Variants in KCNQ5 observed in about 807,000 individuals in gnomAD.
KCNQ5 encodes the protein potassium voltage-gated channel subfamily KQT member 5.
In KCNQ5, 30 loss-of-function variants were observed where a neutral mutation model predicts 98.2. The ratio of observed to expected loss-of-function variants is 0.31; its 90% CI spans 0.23 to 0.41. KCNQ5 has a LOEUF of 0.41. Among genes scored for constraint, KCNQ5 ranks in the 10% least tolerant of loss-of-function variants. KCNQ5 has a pLI of 1.00. For missense variants in KCNQ5, 835 were observed against 1,182.5 expected, an observed-to-expected ratio of 0.71 and a Z score of 4.31; for synonymous variants, 458 against 449.4, an observed-to-expected ratio of 1.02 and a Z score of -0.24.
chr6:73,077,550 A>T (rs1395199591), intron 4 of KCNQ5, 53 bp downstream of exon 4: 2 of 1,528,970 alleles, frequency 1.3e-6, no homozygotes. Flanking sequence ...TTTTTCATTG[A>T]TCGCTGTAAT....
intron 1 of KCNQ5, among the ~76,000 whole-genome samples, chr6:72,687,464 G>A (rs1768012341): frequency 6.6e-6 from 1 of 152,194 alleles, no homozygotes; most frequent in Non-Finnish European, 1.5e-5. Context: ...CTGCCTTCAA[G>A]GAGCACATGG....
At chr6:73,144,075 T>G (rs1582438434) in intron 10 of KCNQ5, among the ~76,000 whole-genome samples, 1 of 152,254 alleles carries the variant, frequency 6.6e-6, no homozygotes, top group South Asian at 2.1e-4. Context: ...ATTTAATCGC[T>G]TTCATGGTGT....
At chr6:73,110,017 T>C (rs954336540) in intron 6 of KCNQ5, among the ~76,000 whole-genome samples, 1 of 152,292 alleles carries the variant, frequency 6.6e-6, no homozygotes, top group East Asian at 1.9e-4. Flanking sequence ...GCCAAGTTGT[T>C]ATTCAGTTGA....
intron 1 of KCNQ5, among the ~76,000 whole-genome samples, chr6:72,663,216 C>T (rs1294606655): frequency 6.6e-6 from 1 of 152,064 alleles, no homozygotes; most frequent in Non-Finnish European, 1.5e-5. Flanking sequence ...CACCATGGCA[C>T]GTGTATACCT....
chr6:73,123,667 A>G (rs1775834551), intron 8 of KCNQ5, among the ~76,000 whole-genome samples: 2 of 152,198 alleles, frequency 1.3e-5, no homozygotes, highest in Admixed American at 6.5e-5. Context: ...CCTCAAAGAG[A>G]GTGAAGCTGC....
At chr6:72,895,114 T>TAAAAAA (rs71540357) in intron 1 of KCNQ5, among the ~76,000 whole-genome samples, 10 of 89,250 alleles carry the variant, frequency 1.1e-4, no homozygotes, top group African/African-American at 3.6e-4. Context: ...CCATCTCTAC[T>TAAAAAA]AAAAAAAAAA....
chr6:72,791,877 C>G (rs1774068454), intron 1 of KCNQ5, among the ~76,000 whole-genome samples: 1 of 152,100 alleles, frequency 6.6e-6, no homozygotes, highest in Non-Finnish European at 1.5e-5. Context: ...CAGCATTAAT[C>G]CATGTGAGGG....
At chr6:73,129,598 C>A (rs1484285456) in intron 9 of KCNQ5, among the ~76,000 whole-genome samples, 2 of 152,178 alleles carry the variant, frequency 1.3e-5, no homozygotes, top group Non-Finnish European at 2.9e-5. Flanking sequence ...AATTTTTCAA[C>A]CTAGCCGTTA....
intron 1 of KCNQ5, among the ~76,000 whole-genome samples, chr6:72,873,191 T>C (rs1486528963): frequency 6.6e-6 from 1 of 152,112 alleles, no homozygotes; most frequent in Non-Finnish European, 1.5e-5. Context: ...TCACCTCTTC[T>C]CTCTGTTATT....
intron 1 of KCNQ5, among the ~76,000 whole-genome samples, chr6:72,641,106 A>G (rs1020352339): frequency 3.3e-5 from 5 of 152,152 alleles, no homozygotes; most frequent in South Asian, 2.1e-4. Flanking sequence ...GTTAAACCAT[A>G]TATTGACTTG....
chr6:72,655,685 T>C (rs1766154163), intron 1 of KCNQ5, among the ~76,000 whole-genome samples: 1 of 152,248 alleles, frequency 6.6e-6, no homozygotes, highest in Non-Finnish European at 1.5e-5. Flanking sequence ...GAGAGGAATA[T>C]GTCGGGACAT....
chr6:72,697,381 G>A (rs1768555086), intron 1 of KCNQ5, among the ~76,000 whole-genome samples: 1 of 152,148 alleles, frequency 6.6e-6, no homozygotes. Context: ...ATAACTCATG[G>A]TGGGTCACAA....
intron 2 of KCNQ5, among the ~76,000 whole-genome samples, chr6:73,027,657 T>A (rs1770949310): frequency 6.6e-6 from 1 of 152,218 alleles, no homozygotes; most frequent in Non-Finnish European, 1.5e-5. Context: ...AAGTGTTTCC[T>A]CTTAACTATG....
intron 1 of KCNQ5, among the ~76,000 whole-genome samples, chr6:72,951,928 A>G (rs1354469621): frequency 6.6e-6 from 1 of 152,224 alleles, no homozygotes; most frequent in South Asian, 2.1e-4. Context: ...TGGAATAGTC[A>G]TCAACATTTC....
chr6:72,741,536 G>T (rs577773483), intron 1 of KCNQ5, among the ~76,000 whole-genome samples: 1 of 152,090 alleles, frequency 6.6e-6, no homozygotes, highest in Non-Finnish European at 1.5e-5. Context: ...AGTTGGAGGA[G>T]GTGAAAAGAA....
At chr6:72,975,638 T>C (rs1032218160) in intron 1 of KCNQ5, among the ~76,000 whole-genome samples, 4 of 152,208 alleles carry the variant, frequency 2.6e-5, no homozygotes, top group Non-Finnish European at 4.4e-5. Context: ...TGGGTTTATT[T>C]TTTCCTGATG....
chr6:72,642,415 C>A (rs1582031188), intron 1 of KCNQ5, among the ~76,000 whole-genome samples: 1 of 151,796 alleles, frequency 6.6e-6, no homozygotes, highest in East Asian at 1.9e-4. Flanking sequence ...TGGTTTGCTG[C>A]ACAGATCAAC....
chr6:73,086,025 TA>T (rs1461995264), intron 5 of KCNQ5, among the ~76,000 whole-genome samples: 6 of 152,194 alleles, frequency 3.9e-5, no homozygotes, highest in Non-Finnish European at 7.4e-5. Flanking sequence ...AGATTAAGAA[TA>T]AAATTGACCT....
In KCNQ5 at chr6:72,832,244, A is replaced by G. The variant is rs943208184; in HGVS notation, c.399-171664A>G. On this transcript the variant is annotated intron_variant, in intron 1 of 13. Coordinates refer to ENST00000370398, the MANE Select transcript of KCNQ5 (RefSeq NM_019842.4). ...GAAATGATGAGATGTGGCAATGGATAAGATGTTTGGAAGAATGAGAGGAAA... is the reference window on the plus strand; with the variant it reads ...GAAATGATGAGATGTGGCAATGGATGAGATGTTTGGAAGAATGAGAGGAAA... Among the ~76,000 whole-genome samples, 6 of 152,118 alleles carry G rather than the reference A, an allele frequency of 3.9e-5. No individual in the cohort carries two copies. In the East Asian group the frequency reaches 7.7e-4, roughly 20 times the overall value.
Sources: gnomAD v4.1 joint callset for allele counts (sites outside exome capture counted in the v4.1 genomes callset) on GRCh38, gnomAD v4.1.1 for gene constraint, MANE v1.5 for transcripts, NCBI Gene and HGNC (gene_info 2026-07-23, HGNC 2026-07-21) for gene names.